The following FGD4 variants were observed in gnomAD, a reference collection of about 807,000 sequenced individuals.
FGD4 encodes FYVE, RhoGEF and PH domain containing 4, also known as FYVE, RhoGEF and PH domain-containing protein 4.
Under a neutral mutation model 102.0 loss-of-function variants are expected in FGD4, and 42 were observed. That is an observed-to-expected ratio of 0.41 (90% confidence interval 0.32 to 0.53). FGD4 has a LOEUF of 0.53. Ranked by LOEUF, FGD4 falls within the 20% of genes least tolerant of loss-of-function variation. FGD4 has a pLI of 0.21. For missense variants in FGD4, 902 were observed against 1,078.2 expected (o/e 0.84, Z 2.29); for synonymous variants, 380 against 375.7 (o/e 1.01, Z -0.13).
chr12:32,502,850 C>A (rs1446716022), intron 1 of FGD4, among the ~76,000 whole-genome samples: 1 of 152,124 alleles, frequency 6.6e-6, no homozygotes, highest in East Asian at 1.9e-4. Context: ...GTTTCAAGGG[C>A]CTGAGCATGT....
intron 4 of FGD4, among the ~76,000 whole-genome samples, chr12:32,594,903 C>T (rs1947760520): frequency 6.6e-6 from 1 of 151,934 alleles, no homozygotes; most frequent in African/African-American, 2.4e-5. Context: ...TGGTGGCACG[C>T]ACGTGTAGTG....
chr12:32,442,253 C>T (rs1942463182), intron 1 of FGD4, among the ~76,000 whole-genome samples: 1 of 151,970 alleles, frequency 6.6e-6, no homozygotes, highest in Middle Eastern at 3.2e-3. Context: ...CGGGGTTTCA[C>T]CGTGTTAGCC....
rs573773225 is a variant in FGD4, at chr12:32,494,491, T to C, written c.167-69646T>C. ...TCTAGCCATTCAGTGGGATTCCATG[T>C]CTGAACTGATAATTTTATATTTTAA... On this transcript the variant is annotated intron_variant, in intron 1 of 16. Coordinates refer to ENST00000534526, the MANE Select transcript of FGD4 (RefSeq NM_001370298.3). 2.0e-5 allele frequency among the ~76,000 whole-genome samples: 3 copies of C among 152,356 alleles called. No homozygotes were observed. The South Asian group carries it at 6.2e-4, about 32-fold the overall frequency.
intron 4 of FGD4, among the ~76,000 whole-genome samples, chr12:32,585,529 A>C (rs10771966): frequency 0.29 from 43,665 of 151,452 alleles, 6,608 homozygotes; most frequent in Middle Eastern, 0.49. Context: ...TGATACAGTA[A>C]GTGCTTTGGA....
intron 1 of FGD4, among the ~76,000 whole-genome samples, chr12:32,467,891 C>A (rs1201823268): frequency 6.6e-6 from 1 of 152,112 alleles, no homozygotes; most frequent in Non-Finnish European, 1.5e-5. Context: ...TGGTGGGTGC[C>A]TGTAATCCCA....
chr12:32,553,773 A>C (rs1394312483), intron 1 of FGD4, among the ~76,000 whole-genome samples: 1 of 152,232 alleles, frequency 6.6e-6, no homozygotes, highest in Admixed American at 6.5e-5. Context: ...CCTATAATGC[A>C]TATAAGTTAG....
chr12:32,510,747 T>TA (rs1262992803), intron 1 of FGD4, among the ~76,000 whole-genome samples: 1 of 152,214 alleles, frequency 6.6e-6, no homozygotes, highest in Non-Finnish European at 1.5e-5. Context: ...TGGTGGTATT[T>TA]AAATATAAAT....
At chr12:32,454,130 G>A (rs77585126) in intron 1 of FGD4, among the ~76,000 whole-genome samples, 2,671 of 152,174 alleles carry the variant, frequency 0.018, 78 homozygotes, top group African/African-American at 0.06. Flanking sequence ...TGATAGCATT[G>A]AGGAGAAATA....
chr12:32,531,434 A>C (rs1941814320), intron 1 of FGD4, among the ~76,000 whole-genome samples: 1 of 152,126 alleles, frequency 6.6e-6, no homozygotes, highest in South Asian at 2.1e-4. Context: ...TTTAGTTCCA[A>C]AATTCTGTCA....
At chr12:32,510,487 A>C (rs1460905412) in intron 1 of FGD4, among the ~76,000 whole-genome samples, 1 of 152,178 alleles carries the variant, frequency 6.6e-6, no homozygotes, top group Non-Finnish European at 1.5e-5. Context: ...AGTTTTTTGA[A>C]GATTTTAAAT....
intron 1 of FGD4, among the ~76,000 whole-genome samples, chr12:32,530,496 G>A (rs931787790): frequency 3.3e-5 from 5 of 152,098 alleles, no homozygotes; most frequent in African/African-American, 9.7e-5. Flanking sequence ...GAAATATCAC[G>A]TGAATGTTTG....
chr12:32,614,084 G>A (rs1378914327), intron 10 of FGD4, among the ~76,000 whole-genome samples: 1 of 152,130 alleles, frequency 6.6e-6, no homozygotes, highest in Non-Finnish European at 1.5e-5. Flanking sequence ...GAAGAGGACT[G>A]ACAATGAACA....
intron 4 of FGD4, among the ~76,000 whole-genome samples, chr12:32,589,947 ACTTCTTGAAG>A (rs1353280687): frequency 1.3e-5 from 2 of 152,146 alleles, no homozygotes. Flanking sequence ...GGCCTGGACT[ACTTCTTGAAG>A]CTTCTTGAAG....
chr12:32,424,376 A>G (rs190649183), intron 1 of FGD4, among the ~76,000 whole-genome samples: 5 of 152,276 alleles, frequency 3.3e-5, no homozygotes, highest in African/African-American at 9.6e-5. Flanking sequence ...AGCTTCATCC[A>G]TGTCCCTGCA....
intron 1 of FGD4, among the ~76,000 whole-genome samples, chr12:32,554,188 C>T (rs977020768): frequency 6.6e-6 from 1 of 152,126 alleles, no homozygotes; most frequent in Admixed American, 6.5e-5. Flanking sequence ...GAGAGTTCTA[C>T]AATTCCAGAT....
intron 1 of FGD4, among the ~76,000 whole-genome samples, chr12:32,433,664 T>A (rs994275588): frequency 2.0e-5 from 3 of 152,162 alleles, no homozygotes; most frequent in Non-Finnish European, 2.9e-5. Context: ...AATGTAGCTT[T>A]CAAAAGTACA....
chr12:32,636,844 G>A (rs1357576572), intron 15 of FGD4, among the ~76,000 whole-genome samples: 1 of 150,108 alleles, frequency 6.7e-6, no homozygotes, highest in Admixed American at 6.7e-5. Flanking sequence ...TAGTTAAATG[G>A]TTTTGTTCCT....
chr12:32,526,305 A>C (rs1941196103), intron 1 of FGD4, among the ~76,000 whole-genome samples: 1 of 151,718 alleles, frequency 6.6e-6, no homozygotes, highest in South Asian at 2.1e-4. Context: ...AGGATTGTAA[A>C]TACACCAATC....
In FGD4 at chr12:32,523,002, AGTGAAG is replaced by A. The variant is rs138716894; in HGVS notation, c.167-41133_167-41128del. Among the ~76,000 whole-genome samples the A allele has an allele frequency of 4.0e-3, 608 of 152,328 alleles. 2 individuals are homozygous for A. Among genetic ancestry groups the A allele is most frequent in the African/African-American group, 0.014 (579 of 41,574 alleles). ...CATAAAGTTCAATCTTCCCTTCTTC[AGTGAAG>A]GAGGTAGCTATCTGGACATTTAGGA... On this transcript the variant is annotated intron_variant, in intron 1 of 16. Coordinates refer to ENST00000534526, the MANE Select transcript of FGD4 (RefSeq NM_001370298.3).
Sources: allele counts gnomAD v4.1 joint callset (sites outside exome capture counted in the v4.1 genomes callset), GRCh38; gene constraint gnomAD v4.1.1; transcripts MANE v1.5; gene names NCBI Gene and HGNC (gene_info 2026-07-23, HGNC 2026-07-21).